The following TASP1 variants were observed in gnomAD, a reference collection of about 807,000 sequenced individuals.
TASP1 encodes taspase 1.
Under a neutral mutation model 56.6 loss-of-function variants are expected in TASP1, and 16 were observed. That is an observed-to-expected ratio of 0.28 (90% CI 0.19 to 0.43). The LOEUF (loss-of-function observed/expected upper bound fraction) is 0.43, where lower values mean the gene tolerates loss of function less well. TASP1 is among the 20% of genes least tolerant of loss of function. The pLI, the probability that TASP1 is intolerant of heterozygous loss-of-function variation, is 1.00. For missense variants in TASP1, 393 were observed against 511.6 expected, an observed-to-expected ratio of 0.77 and a Z score of 2.24; for synonymous variants, 179 against 184.2, an observed-to-expected ratio of 0.97 and a Z score of 0.23.
intron 5 of TASP1, 99 bp downstream of exon 5, chr20:13,587,151 C>A: frequency 7.2e-7 from 1 of 1,389,652 alleles, no homozygotes; most frequent in Non-Finnish European, 9.6e-7. Flanking sequence ...AACACTATTC[C>A]AAGCAGAAAT....
chr20:13,286,274 C>G, the TASP1 span, among the ~76,000 whole-genome samples: 1 of 151,548 alleles, frequency 6.6e-6, no homozygotes, highest in Non-Finnish European at 1.5e-5. Flanking sequence ...AGGCACCTCT[C>G]TGGTGCCCTT....
chr20:13,140,307 C>G, the TASP1 span, among the ~76,000 whole-genome samples: 1 of 152,080 alleles, frequency 6.6e-6, no homozygotes, highest in Non-Finnish European at 1.5e-5. Flanking sequence ...TTTGAGTGCA[C>G]CCCAGTCACT....
intron 13 of TASP1, among the ~76,000 whole-genome samples, chr20:13,410,098 TACTTC>T (rs1402174051): frequency 9.9e-5 from 15 of 152,206 alleles, no homozygotes; most frequent in Non-Finnish European, 2.1e-4. Flanking sequence ...GTGCCTGCCT[TACTTC>T]ACTTAACATA....
chr20:13,205,228 A>G, the TASP1 span, among the ~76,000 whole-genome samples: 1 of 152,070 alleles, frequency 6.6e-6, no homozygotes, highest in Admixed American at 6.6e-5. Flanking sequence ...CTGTAGCCAT[A>G]CAAGCCCCAT....
At chr20:13,353,316 A>C in the TASP1 span, among the ~76,000 whole-genome samples, 2 of 150,960 alleles carry the variant, frequency 1.3e-5, no homozygotes, top group Non-Finnish European at 2.9e-5. Context: ...AGTATCTCCC[A>C]GTCATTTGAG....
chr20:13,174,585 G>C, the TASP1 span, among the ~76,000 whole-genome samples: 4 of 151,780 alleles, frequency 2.6e-5, no homozygotes, highest in Non-Finnish European at 4.4e-5. Flanking sequence ...TCTAGTTTCA[G>C]TTCCTCAGAA....
chr20:13,610,721 A>C (rs2147434494), intron 4 of TASP1, among the ~76,000 whole-genome samples: 1 of 152,316 alleles, frequency 6.6e-6, no homozygotes, highest in South Asian at 2.1e-4. Flanking sequence ...AAAGAATTAA[A>C]ATTCCAGACT....
intron 4 of TASP1, among the ~76,000 whole-genome samples, chr20:13,603,020 C>T (rs918360661): frequency 6.6e-6 from 1 of 151,948 alleles, no homozygotes; most frequent in South Asian, 2.1e-4. Flanking sequence ...CACCTGAGGT[C>T]AGGAGTTCAA....
chr20:13,511,963 C>T (rs1601066078), intron 10 of TASP1, among the ~76,000 whole-genome samples: 1 of 152,050 alleles, frequency 6.6e-6, no homozygotes, highest in Non-Finnish European at 1.5e-5. Context: ...GTATACTATT[C>T]CATGGTGTAT....
chr20:13,170,907 C>T, the TASP1 span, among the ~76,000 whole-genome samples: 2 of 152,096 alleles, frequency 1.3e-5, no homozygotes, highest in Non-Finnish European at 2.9e-5. Context: ...ATAAGGAAGA[C>T]CAAAGGATGT....
At chr20:13,512,053 C>T (rs1056799525) in intron 10 of TASP1, among the ~76,000 whole-genome samples, 4 of 152,074 alleles carry the variant, frequency 2.6e-5, no homozygotes, top group African/African-American at 9.7e-5. Context: ...GCAAATAGTG[C>T]CGCAATATAC....
the TASP1 span, chr20:13,299,840 A>G: frequency 8.1e-4 from 142 of 176,026 alleles, 1 homozygote; most frequent in Non-Finnish European, 2.0e-4. The surrounding 1 kb of genome is among the most constrained non-coding windows in gnomAD (Gnocchi z 5.8). Context: ...AGCAGTTTTT[A>G]TATATAACTT....
chr20:13,523,678 A>C (rs2044859129), intron 10 of TASP1, among the ~76,000 whole-genome samples: 1 of 152,148 alleles, frequency 6.6e-6, no homozygotes, highest in African/African-American at 2.4e-5. Context: ...TACTCCTGGC[A>C]AGTCCTGACC....
the TASP1 span, among the ~76,000 whole-genome samples, chr20:13,232,197 C>T: frequency 6.6e-6 from 1 of 152,130 alleles, no homozygotes; most frequent in African/African-American, 2.4e-5. Context: ...AACTAATAAA[C>T]TGTACATATT....
At chr20:13,354,435 T>G in the TASP1 span, among the ~76,000 whole-genome samples, 2 of 152,170 alleles carry the variant, frequency 1.3e-5, no homozygotes, top group Non-Finnish European at 2.9e-5. Context: ...TTACAAAGGA[T>G]TGGAAATGAG....
rs754597229 is a variant in TASP1, at chr20:13,545,603, C to G, written c.676-11462G>C. 7.8e-4 allele frequency among the ~76,000 whole-genome samples: 119 copies of G among 152,226 alleles called. No homozygotes were observed. The Middle Eastern group carries it at 0.034, about 44-fold the overall frequency. On this transcript the variant is annotated intron_variant, in intron 8 of 13. Transcript: ENST00000337743. ...ACCAGGAATTACAAGCTGCAAAAAC[C>G]AGCGTTTGGTTTGACCAGCAAAGTG...
At chr20:13,364,917 A>G in the TASP1 span, among the ~76,000 whole-genome samples, 1 of 151,544 alleles carries the variant, frequency 6.6e-6, no homozygotes, top group African/African-American at 2.4e-5. Context: ...GCTCCATTGA[A>G]CTATTTTTTT....
intron 11 of TASP1, among the ~76,000 whole-genome samples, chr20:13,453,449 T>A (rs1012446889): frequency 6.6e-6 from 1 of 152,116 alleles, no homozygotes; most frequent in East Asian, 1.9e-4. Flanking sequence ...ATATGATTTT[T>A]AGGTGTTTCA....
the TASP1 span, among the ~76,000 whole-genome samples, chr20:13,253,372 T>C: frequency 5.9e-4 from 90 of 152,328 alleles, no homozygotes; most frequent in African/African-American, 2.1e-3. Flanking sequence ...CTCCCCATGC[T>C]GGATGGGAGG....
Sources: gnomAD v4.1 joint callset for allele counts (sites outside exome capture counted in the v4.1 genomes callset) on GRCh38, gnomAD v4.1.1 for gene constraint, Gnocchi (gnomAD v3.1) non-coding constraint, MANE v1.5 for transcripts, NCBI Gene and HGNC (gene_info 2026-07-23, HGNC 2026-07-21) for gene names.